Variants in CDK10 observed in about 807,000 individuals in gnomAD.
CDK10 encodes the protein cyclin-dependent kinase 10.
In CDK10, 55 loss-of-function variants were observed where a neutral mutation model predicts 51.0. That is an observed-to-expected ratio of 1.08 (90% CI 0.87 to 1.35). The LOEUF is 1.35. Ranked by LOEUF, CDK10 falls within the 40% of genes most tolerant of loss-of-function variation. The pLI, the probability that CDK10 is intolerant of heterozygous loss-of-function variation, is 0.00. For missense variants in CDK10, 589 were observed against 485.1 expected (o/e 1.21, Z -2.01); for synonymous variants, 255 against 199.1 (o/e 1.28, Z -2.36).
chr16:89,687,106 C>G, intron 1 of CDK10: 1 of 257,090 alleles, frequency 3.9e-6, no homozygotes, highest in Non-Finnish European at 7.3e-6. Context: ...GTTCAGCGCC[C>G]GAGCTGGGCT....
Position 89,690,536 on chromosome 16 carries a change from A to G in CDK10, c.161-17A>G, listed in dbSNP as rs200225179. The G allele has an allele frequency of 2.4e-5, 39 of 1,612,306 alleles. No individual in the cohort carries two copies. In the East Asian group the frequency reaches 2.7e-4, roughly 11 times the overall value. ...GGGCATCGAGATGATGTCATCACCA[A>G]TGTGTTTCCATTCCAGATCGGGCCC... On this transcript the variant is annotated splice_polypyrimidine_tract_variant and intron_variant, in intron 2 of 12. Coordinates refer to ENST00000353379, the MANE Select transcript of CDK10 (RefSeq NM_052988.5).
intron 6 of CDK10, chr16:89,692,722 A>G: frequency 2.4e-6 from 1 of 413,306 alleles, no homozygotes; most frequent in Non-Finnish European, 4.3e-6. Context: ...CAAGTGATCC[A>G]CCCACCTTGG....
intron 4 of CDK10, 117 bp downstream of exon 4, chr16:89,691,662 A>T (rs2060456329): frequency 8.5e-7 from 1 of 1,178,424 alleles, no homozygotes; most frequent in South Asian, 1.3e-5. Context: ...AGAAGAGATG[A>T]CCCCACCTCA....
chr16:89,694,114 G>A, intron 8 of CDK10, 59 bp from the exon 9 acceptor site: 1 of 1,552,192 alleles, frequency 6.4e-7, no homozygotes, highest in Non-Finnish European at 8.9e-7. Flanking sequence ...TGTGTCCTGT[G>A]GAGGCCTGGG....
At chr16:89,690,529 A>G in intron 2 of CDK10, 24 bp from the exon 3 acceptor site, 3 of 1,610,462 alleles carry the variant, frequency 1.9e-6, no homozygotes, top group Middle Eastern at 1.7e-4. Flanking sequence ...AGATGATGTC[A>G]TCACCAATGT....
rs1188238179 is a variant in CDK10 at position 89,692,151 on chromosome 16, T to C, written c.417+264T>C. ...CAGGCAGCCCCGGGGCTGAGAGCCTTCTGAGGGCACTGGTTTCCTGGGCTG... is the reference window on the plus strand; with the variant it reads ...CAGGCAGCCCCGGGGCTGAGAGCCTCCTGAGGGCACTGGTTTCCTGGGCTG... On this transcript the variant is annotated intron_variant, in intron 5 of 12. Transcript: ENST00000353379. 7.0e-6 allele frequency: 4 copies of C among 574,820 alleles called. No individual in the cohort carries two copies. In the Admixed American group the frequency reaches 1.3e-4, roughly 19 times the overall value. 35.6% of individuals were successfully genotyped at this position (574,820 alleles called of 1,614,324 possible).
At chr16:89,694,255 C>G in intron 9 of CDK10, 23 bp downstream of exon 9, 1 of 1,612,206 alleles carries the variant, frequency 6.2e-7, no homozygotes. Flanking sequence ...GGTTACCGCT[C>G]CTGGGGCCTC....
intron 11 of CDK10, 70 bp downstream of exon 11, chr16:89,695,140 G>A: frequency 6.4e-7 from 1 of 1,562,580 alleles, no homozygotes; most frequent in Non-Finnish European, 8.7e-7. Context: ...CCAGAGCCCA[G>A]CCTCACTGCG....
chr16:89,695,428 C>A, intron 12 of CDK10, 83 bp downstream of exon 12: 1 of 1,512,832 alleles, frequency 6.6e-7, no homozygotes, highest in Non-Finnish European at 9.1e-7. Flanking sequence ...GAGAAGTGGC[C>A]TGCTGCCCTC....
chr16:89,694,756 C>A lies in CDK10; in HGVS notation c.760C>A (p.Leu254Met), dbSNP rs557468371. 1 of 1,568,418 alleles carries A rather than the reference C, an allele frequency of 6.4e-7. No individual in the cohort carries two copies. The highest frequency in any genetic ancestry group is 1.9e-5 in the Admixed American group (1 of 53,216). The change falls in exon 10 of 13, where the codon CTG (leucine) becomes ATG (methionine). Residue 254 changes from leucine to methionine, a missense_variant. Physicochemically the swap from Leu to Met is conservative, Grantham distance 15. Transcript: ENST00000353379. The stretch of plus-strand genomic sequence containing the variant: ...CCACCAGATCGACTTGATCGTGCAG[C>A]TGCTGGGCACGCCCAGTGAGAACAT... ...EIHQIDLIVQ[L>M]LGTPSENIWP... is the part of the protein sequence containing the mutation.
At position 89,690,491 on chromosome 16, in the gene CDK10, A is replaced by G. The variant is rs113414242; in HGVS notation, c.161-62A>G. 1.4e-4 allele frequency: 205 copies of G among 1,442,728 alleles called. 1 individual carries two copies. In the African/African-American group the frequency reaches 1.8e-3, roughly 13 times the overall value. 89.4% of individuals were successfully genotyped at this position (1,442,728 alleles called of 1,614,324 possible). A position where few individuals can be genotyped will look rare whatever the true frequency, so the allele number is the denominator to read the frequency against. On this transcript the variant is annotated intron_variant, in intron 2 of 12. Coordinates refer to ENST00000353379, the MANE Select transcript of CDK10 (RefSeq NM_052988.5). ...GTGGCTCAGGGAGAGCCTCCCGTTC[A>G]GCGCTAGGGAGCCCACGAGGGGCAT...
At chr16:89,686,968 G>C (rs908783506) in intron 1 of CDK10, 171 bp downstream of exon 1, 1 of 566,274 alleles carries the variant, frequency 1.8e-6, no homozygotes, top group Admixed American at 3.8e-5. Context: ...GCGGGCTCAG[G>C]ACCCCCGACA....
chr16:89,691,608 T>TG (rs1344148393), intron 4 of CDK10, 63 bp downstream of exon 4: 92 of 1,426,906 alleles, frequency 6.4e-5, no homozygotes, highest in Non-Finnish European at 8.5e-5. Flanking sequence ...CTAGAGGTGT[T>TG]GCACAGAGCG....
At position 89,694,991 on chromosome 16, in the gene CDK10, C is replaced by T; in HGVS notation, c.853C>T (p.Leu285=). 6.2e-7 allele frequency: 1 copy of T among 1,613,514 alleles called. No homozygotes were observed. The highest frequency in any genetic ancestry group is 8.5e-7 in the Non-Finnish European group (1 of 1,180,040). Residue 285 remains leucine (L), a synonymous_variant, in exon 11 of 13, where the codon CTG becomes TTG. Transcript: ENST00000353379. ...CCTCCGGAAGCAGCCCTACAACAAC[C>T]TGAAGCACAAGTTCCCATGGCTGTC... is the stretch of plus-strand genomic sequence containing the variant. ...YSLRKQPYNN[L]KHKFPWLSEA...
intron 1 of CDK10, 173 bp downstream of exon 1, chr16:89,686,970 C>A (rs940308963): frequency 1.8e-6 from 1 of 552,268 alleles, no homozygotes. Context: ...GGGCTCAGGA[C>A]CCCCGACAGC....
Position 89,695,974 on chromosome 16 carries a change from A to T in CDK10, c.*282A>T. The stretch of plus-strand genomic sequence containing the variant: ...GGGGTCTCATGTGGTCCTCCTCGCT[A>T]TGTTGGAAATGTGCAACCACTGCTT... On this transcript the variant is annotated 3_prime_UTR_variant, in exon 13 of 13. Coordinates refer to ENST00000353379, the MANE Select transcript of CDK10 (RefSeq NM_052988.5). 1.6e-6 allele frequency: 1 copy of T among 616,144 alleles called. No individual in the cohort carries two copies. Among genetic ancestry groups the T allele is most frequent in the Non-Finnish European group, 2.9e-6 (1 of 346,770 alleles). The allele number at this position is 616,144 out of a possible 1,614,324, so 38.2% of individuals were successfully genotyped here. A position where few individuals can be genotyped will look rare whatever the true frequency, so the allele number is the denominator to read the frequency against.
Position 89,691,793 on chromosome 16 carries a change from C to A in CDK10, c.336-13C>A. On this transcript the variant is annotated splice_polypyrimidine_tract_variant and intron_variant, in intron 4 of 12. Transcript: ENST00000353379. Reference sequence around the variant, plus strand: ...AAGGCCGGAGAGTGGCATGCATCTTCTGTTTCTTCCAGCATCTTCCTGGTG... The same window carrying A: ...AAGGCCGGAGAGTGGCATGCATCTTATGTTTCTTCCAGCATCTTCCTGGTG... 2 of 1,613,334 alleles carry A rather than the reference C, an allele frequency of 1.2e-6. No individual in the cohort carries two copies. Among genetic ancestry groups the A allele is most frequent in the Non-Finnish European group, 1.7e-6 (2 of 1,179,342 alleles).
chr16:89,687,317 T>TTGGGCGG (rs2151551862), intron 1 of CDK10: 1 of 378,892 alleles, frequency 2.6e-6, no homozygotes, highest in East Asian at 7.4e-5. Flanking sequence ...CCTCTGGGCG[T>TTGGGCGG]TGGGCGGTGT....
At chr16:89,691,296 A>T in intron 3 of CDK10, 147 bp from the exon 4 acceptor site, 1 of 553,282 alleles carries the variant, frequency 1.8e-6, no homozygotes, top group South Asian at 2.7e-5. Context: ...AAAAAAAAAA[A>T]TGCTTATTGG....
Sources: gnomAD v4.1 joint callset for allele counts on GRCh38, gnomAD v4.1.1 for gene constraint, MANE v1.5 for transcripts, NCBI Gene and HGNC (gene_info 2026-07-23, HGNC 2026-07-21) for gene names.